The following CASD1 variants were observed in gnomAD, a reference collection of about 807,000 sequenced individuals.
CASD1 encodes the protein CAS1 domain sialic acid O acetyltransferase 1.
A neutral mutation model predicts 100.0 loss-of-function variants in CASD1; 41 were observed. The observed-to-expected ratio is 0.41, with a 90% CI of 0.32 to 0.53. The LOEUF is 0.53. Among genes scored for constraint, CASD1 ranks in the 20% least tolerant of loss-of-function variants. The pLI is 0.25. For missense variants in CASD1, 774 were observed against 948.7 expected (o/e 0.82, Z 2.42); for synonymous variants, 321 against 315.6 (o/e 1.02, Z -0.18).
chr7:94,557,688 C>G (rs1458066437), downstream of CASD1, among the ~76,000 whole-genome samples: 2 of 151,942 alleles, frequency 1.3e-5, no homozygotes, highest in Non-Finnish European at 2.9e-5. Flanking sequence ...TAAAACTTAC[C>G]TGGTGAGCCC....
chr7:94,527,845 G>A (rs999218709), intron 4 of CASD1, among the ~76,000 whole-genome samples: 7 of 152,156 alleles, frequency 4.6e-5, no homozygotes, highest in African/African-American at 1.7e-4. Flanking sequence ...GAAGGGACAG[G>A]TGGAGATTCT....
chr7:94,587,333 G>T, the CASD1 span: 1 of 1,006,384 alleles, frequency 9.9e-7, no homozygotes, highest in African/African-American at 1.7e-5. Context: ...GTAAAATCTG[G>T]ATTTTTAAAT....
the CASD1 span, among the ~76,000 whole-genome samples, chr7:94,570,103 G>A: frequency 3.9e-5 from 6 of 151,950 alleles, no homozygotes; most frequent in East Asian, 3.9e-4. Context: ...GTGAGCCACC[G>A]CACCTGGCCC....
intron 9 of CASD1, among the ~76,000 whole-genome samples, chr7:94,538,372 A>G (rs1795219525): frequency 6.6e-6 from 1 of 152,088 alleles, no homozygotes; most frequent in Non-Finnish European, 1.5e-5. Flanking sequence ...CAGTATTCTG[A>G]TTTTCCAATT....
At chr7:94,611,753 CA>C in the CASD1 span, among the ~76,000 whole-genome samples, 1 of 151,992 alleles carries the variant, frequency 6.6e-6, no homozygotes, top group Non-Finnish European at 1.5e-5. Flanking sequence ...AAGTCATGAC[CA>C]AGCCAGAGAT....
At position 94,547,136 on chromosome 7, in the gene CASD1, C is replaced by T; in HGVS notation, c.1674C>T (p.Gly558=). The change falls in exon 13 of 18, where the codon GGC becomes GGT. Residue 558 remains glycine (G), a synonymous_variant. Coordinates refer to ENST00000297273, the MANE Select transcript of CASD1 (RefSeq NM_022900.5). ...ATTTTGGCTTACTGTTGAAACTAGGCTTTTTGCTGTTATTCATATGTTTTT... is the reference window on the plus strand; with the variant it reads ...ATTTTGGCTTACTGTTGAAACTAGGTTTTTTGCTGTTATTCATATGTTTTT... ...FWHFGLLLKL[G]FLLLFICFLA... is the part of the protein sequence containing the mutation. The T allele has an allele frequency of 6.3e-7, 1 of 1,592,654 alleles. No homozygotes were observed. The highest frequency in any genetic ancestry group is 8.6e-7 in the Non-Finnish European group (1 of 1,168,896).
intron 3 of CASD1, among the ~76,000 whole-genome samples, chr7:94,522,276 A>G (rs17166331): frequency 0.042 from 6,355 of 152,320 alleles, 210 homozygotes; most frequent in South Asian, 0.083. Flanking sequence ...CCAGGTAAAT[A>G]CTAAAGAAAG....
Position 94,547,134 on chromosome 7 carries a change from G to A in CASD1, c.1672G>A (p.Gly558Ser). 2 of 1,593,906 alleles carry A rather than the reference G, an allele frequency of 1.3e-6. No homozygotes were observed. The highest frequency in any genetic ancestry group is 1.7e-6 in the Non-Finnish European group (2 of 1,169,634). Residue 558 changes from glycine to serine, a missense_variant, in exon 13 of 18, where the codon GGC (glycine) becomes AGC (serine). Transcript: ENST00000297273. Reference protein sequence around the residue: ...FWHFGLLLKLGFLLLFICFLA... With the variant: ...FWHFGLLLKLSFLLLFICFLA... ...GCATTTTGGCTTACTGTTGAAACTA[G>A]GCTTTTTGCTGTTATTCATATGTTT...
chr7:94,558,287 A>T (rs1420495640), downstream of CASD1, among the ~76,000 whole-genome samples: 3 of 152,182 alleles, frequency 2.0e-5, no homozygotes, highest in African/African-American at 7.2e-5. Context: ...TGCATCCTGG[A>T]TATAGTCATT....
chr7:94,553,478 T>A (rs1245655136), intron 16 of CASD1, among the ~76,000 whole-genome samples: 1 of 152,144 alleles, frequency 6.6e-6, no homozygotes, highest in Non-Finnish European at 1.5e-5. Flanking sequence ...CCTTCATCTT[T>A]TATGCATCCT....
chr7:94,621,226 C>T, the CASD1 span: 1 of 152,174 alleles, frequency 6.6e-6, no homozygotes, highest in African/African-American at 2.4e-5. Flanking sequence ...TGCACATATA[C>T]ATTTCTGTCT....
downstream of CASD1, among the ~76,000 whole-genome samples, chr7:94,559,473 T>C (rs1796304960): frequency 6.6e-6 from 1 of 152,116 alleles, no homozygotes; most frequent in Non-Finnish European, 1.5e-5. Context: ...AAAATTGTCC[T>C]GAGCACCTGA....
the CASD1 span, among the ~76,000 whole-genome samples, chr7:94,604,806 AATATATATATATATATATATATAT>A: frequency 3.0e-3 from 134 of 44,412 alleles, 4 homozygotes; most frequent in Middle Eastern, 0.043. Context: ...ATGGTGCTGG[AATATATATATATATATATATATAT>A]ATATATATAT....
rs747996084 is a variant in CASD1 at position 94,517,618 on chromosome 7, G to T, written c.192G>T (p.Trp64Cys). The T allele has an allele frequency of 6.2e-7, 1 of 1,612,396 alleles. No homozygotes were observed. The highest frequency in any genetic ancestry group is 1.1e-5 in the South Asian group (1 of 90,760). The change falls in exon 2 of 18, where the codon TGG becomes TGT. Residue 64 changes from tryptophan to cysteine, a missense_variant. Coordinates refer to ENST00000297273, the MANE Select transcript of CASD1 (RefSeq NM_022900.5). ...SSGRFLGEKV[W>C]QPHSCMMHKY... ...GCAGATTTCTTGGAGAGAAAGTTTG[G>T]CAACCTCACAGTTGTATGATGCATA... is the stretch of plus-strand genomic sequence containing the variant.
chr7:94,563,660 C>T, the CASD1 span, among the ~76,000 whole-genome samples: 632 of 152,008 alleles, frequency 4.2e-3, 2 homozygotes, highest in South Asian at 6.0e-3. Context: ...TAGCACAGCC[C>T]TCATTTAGCC....
the CASD1 span, among the ~76,000 whole-genome samples, chr7:94,633,211 G>A: frequency 6.6e-6 from 1 of 151,760 alleles, no homozygotes; most frequent in Non-Finnish European, 1.5e-5. Context: ...AAAACTATGG[G>A]TGGTTAAATC....
At chr7:94,561,227 C>A (rs1562954491), downstream of CASD1, among the ~76,000 whole-genome samples, 1 of 152,038 alleles carries the variant, frequency 6.6e-6, no homozygotes, top group African/African-American at 2.4e-5. Context: ...GCCTGGGCAA[C>A]AAGAGCGAAA....
the CASD1 span, among the ~76,000 whole-genome samples, chr7:94,565,292 A>G: frequency 2.6e-5 from 4 of 152,088 alleles, no homozygotes; most frequent in East Asian, 7.7e-4. Flanking sequence ...GGCTTCACAT[A>G]AGGGTCCTAA....
At position 94,517,957 on chromosome 7, in the gene CASD1, A is replaced by G. The variant is rs534692496; in HGVS notation, c.231-246A>G. 3.9e-5 allele frequency among the ~76,000 whole-genome samples: 6 copies of G among 152,348 alleles called. No individual in the cohort carries two copies. In the East Asian group the frequency reaches 9.6e-4, roughly 24 times the overall value. ...GAGTTATTCTAAGGATTAAGAGATA[A>G]TAGATATAAAGCACCTAATACAGTT... On this transcript the variant is annotated intron_variant, in intron 2 of 17. Coordinates refer to ENST00000297273, the MANE Select transcript of CASD1 (RefSeq NM_022900.5).
Sources: gnomAD v4.1 joint callset for allele counts (sites outside exome capture counted in the v4.1 genomes callset) on GRCh38, gnomAD v4.1.1 for gene constraint, MANE v1.5 for transcripts, NCBI Gene and HGNC (gene_info 2026-07-23, HGNC 2026-07-21) for gene names.